Variants in FBXL19 observed in about 807,000 individuals in gnomAD.
FBXL19 encodes the protein F-box/LRR-repeat protein 19.
In FBXL19, 16 loss-of-function variants were observed where a neutral mutation model predicts 71.2. The ratio of observed to expected loss-of-function variants is 0.22; its 90% CI spans 0.15 to 0.34. FBXL19 has a LOEUF of 0.34. Ranked by LOEUF, FBXL19 falls within the 10% of genes least tolerant of loss-of-function variation. The pLI is 1.00. For synonymous variants in FBXL19, 447 were observed against 409.4 expected (o/e 1.09, Z -1.11); for missense variants, 658 against 968.2 (o/e 0.68, Z 4.25).
rs958686076 is a variant in FBXL19, at chr16:30,930,061, G to A, written c.790-12G>A. 7.5e-6 allele frequency: 12 copies of A among 1,607,294 alleles called. No individual in the cohort carries two copies. The highest frequency in any genetic ancestry group is 9.4e-6 in the Non-Finnish European group (11 of 1,175,624). The stretch of plus-strand genomic sequence containing the variant: ...CAGGCCCTAGAACAGCATCAACCCT[G>A]TCTCCCTGCAGAAACCAAAGCCGCC... On this transcript the variant is annotated splice_polypyrimidine_tract_variant and intron_variant, in intron 6 of 10. Coordinates refer to ENST00000338343, the MANE Select transcript of FBXL19 (RefSeq NM_001382779.1). This position sits in a 1 kb window ranked among gnomAD's most constrained non-coding sequence, Gnocchi z 8.5.
intron 7 of FBXL19, among the ~76,000 whole-genome samples, chr16:30,939,102 C>A (rs904780052): frequency 6.6e-6 from 1 of 150,544 alleles, no homozygotes; most frequent in Non-Finnish European, 1.5e-5. Context: ...GACAGAGTCT[C>A]GCTCTGTCAC....
At chr16:30,945,850 A>G (rs1250668495) in intron 9 of FBXL19, among the ~76,000 whole-genome samples, 52 of 52,340 alleles carry the variant, frequency 9.9e-4, no homozygotes, top group South Asian at 3.7e-3. Context: ...CGTCTCGGGG[A>G]AAAAAAAAAA....
At position 30,927,889 on chromosome 16, in the gene FBXL19, C is replaced by T; in HGVS notation, c.553C>T (p.Pro185Ser). Residue 185 changes from proline (P) to serine (S), a missense_variant, in exon 5 of 11, where the codon CCG becomes TCG. By Grantham distance (74) the Pro-to-Ser change is moderately conservative. Transcript: ENST00000338343. ...RKGPLPAGPP[P>S]EDVPGPPKRK... ...GGGCCCCCTGCCTGCCGGGCCCCCCCCGGAGGACGTGCCTGGGCCCCCCAA... is the reference window on the plus strand; with the variant it reads ...GGGCCCCCTGCCTGCCGGGCCCCCCTCGGAGGACGTGCCTGGGCCCCCCAA... 1.3e-6 allele frequency: 2 copies of T among 1,534,286 alleles called. No homozygotes were observed. The highest frequency in any genetic ancestry group is 1.7e-6 in the Non-Finnish European group (2 of 1,143,582).
In FBXL19 at chr16:30,937,422, T is replaced by C. The variant is rs1373976888; in HGVS notation, c.1302-4694T>C. Among the ~76,000 whole-genome samples the C allele has an allele frequency of 2.0e-5, 3 of 152,056 alleles. No individual in the cohort carries two copies. The East Asian group carries it at 5.8e-4, about 29-fold the overall frequency. On this transcript the variant is annotated intron_variant, in intron 7 of 10. Transcript: ENST00000338343. ...TTGAGGTGACTCTTACCATGCCCCT[T>C]GTCACCTCAGTTACTGCGGACTGTC...
At position 30,947,717 on chromosome 16, in the gene FBXL19, A is replaced by G; in HGVS notation, c.*487A>G. On this transcript the variant is annotated 3_prime_UTR_variant, in exon 11 of 11. Transcript: ENST00000338343. ...CCACAAAAGGAAAACCGGAGGAGCA[A>G]TTGGGGATCCAGGTGTCAGAGGTAG... 1 of 351,820 alleles carries G rather than the reference A, an allele frequency of 2.8e-6. No homozygotes were observed. The highest frequency in any genetic ancestry group is 2.0e-5 in the South Asian group (1 of 48,852). The allele number at this position is 351,820 out of a possible 1,614,324, so 21.8% of individuals were successfully genotyped here. A position where few individuals can be genotyped will look rare whatever the true frequency, so the allele number is the denominator to read the frequency against.
upstream of FBXL19, chr16:30,922,988 T>G (rs185275374): frequency 3.5e-4 from 159 of 453,680 alleles, 1 homozygote; most frequent in African/African-American, 3.0e-3. Flanking sequence ...TGGAAGGCTA[T>G]AAAACTACTA....
At chr16:30,927,548 C>T (rs1197754785) in intron 3 of FBXL19, 25 bp from the exon 4 acceptor site, 3 of 1,554,740 alleles carry the variant, frequency 1.9e-6, no homozygotes, top group South Asian at 2.4e-5. Flanking sequence ...GGCCAACCCC[C>T]CACTCACTGC....
intron 6 of FBXL19, among the ~76,000 whole-genome samples, chr16:30,929,190 T>C (rs1201911567): frequency 6.6e-6 from 1 of 152,212 alleles, no homozygotes; most frequent in Admixed American, 6.5e-5. Flanking sequence ...GTCCGCCTGA[T>C]TGGGTCCAAA....
chr16:30,929,593 C>T (rs967983906), intron 6 of FBXL19, among the ~76,000 whole-genome samples: 8 of 152,228 alleles, frequency 5.3e-5, no homozygotes, highest in Non-Finnish European at 8.8e-5. Context: ...GAGTCTCGCT[C>T]TGTCGCCCGT....
In FBXL19 at chr16:30,942,610, G is replaced by T; in HGVS notation, c.1627+74G>T. ...GTAGGAGGCCTCTCAGGTCTCTTCT[G>T]ACTCATGCTGGATGGTAAAGTATTT... On this transcript the variant is annotated intron_variant, in intron 9 of 10. Transcript: ENST00000338343. This position sits in a 1 kb window ranked among gnomAD's most constrained non-coding sequence, Gnocchi z 5.7. The T allele has an allele frequency of 6.9e-7, 1 of 1,457,136 alleles. No homozygotes were observed. Among genetic ancestry groups the T allele is most frequent in the South Asian group, 1.4e-5 (1 of 71,336 alleles). The allele number at this position is 1,457,136 out of a possible 1,614,324, so 90.3% of individuals were successfully genotyped here. A position where few individuals can be genotyped will look rare whatever the true frequency, so the allele number is the denominator to read the frequency against.
At chr16:30,928,405 C>G in intron 5 of FBXL19, 62 bp from the exon 6 acceptor site, 2 of 1,448,040 alleles carry the variant, frequency 1.4e-6, no homozygotes, top group African/African-American at 2.9e-5. Flanking sequence ...CCTTAGATTT[C>G]TGGCCCATGA....
intron 1 of FBXL19, 70 bp downstream of exon 1, chr16:30,924,529 C>T (rs1396158365): frequency 9.3e-6 from 10 of 1,078,946 alleles, no homozygotes; most frequent in Non-Finnish European, 1.2e-5. Context: ...CTCAGCCCGG[C>T]CTCTCTCTAC....
At position 30,946,777 on chromosome 16, in the gene FBXL19, C is replaced by T; in HGVS notation, c.1675C>T (p.Leu559=). 3 of 1,613,520 alleles carry T rather than the reference C, an allele frequency of 1.9e-6. No individual in the cohort carries two copies. Among genetic ancestry groups the T allele is most frequent in the Non-Finnish European group, 2.5e-6 (3 of 1,179,778 alleles). ...GCTGCAGGGGGTGGCAGAACTGCGT[C>T]TGGCAGGTTTGGAGCTGACAGATGC... ...GRLQGVAELR[L]AGLELTDASL... Residue 559 remains leucine (L), a synonymous_variant, in exon 10 of 11, where the codon CTG becomes TTG. Transcript: ENST00000338343. The surrounding 1 kb of genome is among the most constrained non-coding windows in gnomAD (Gnocchi z 6.7).
chr16:30,941,283 C>T (rs1230712211), intron 7 of FBXL19, among the ~76,000 whole-genome samples: 1 of 152,018 alleles, frequency 6.6e-6, no homozygotes, highest in Non-Finnish European at 1.5e-5. Flanking sequence ...CAAGACCAGC[C>T]TAGGCAACAT....
chr16:30,946,845 C>A lies in FBXL19; in HGVS notation c.1743C>A (p.Ala581=), dbSNP rs756244413. 5 of 1,612,284 alleles carry A rather than the reference C, an allele frequency of 3.1e-6. No individual in the cohort carries two copies. In the Admixed American group the frequency reaches 8.3e-5, roughly 27 times the overall value. Residue 581 remains alanine, a synonymous_variant, in exon 10 of 11, where the codon GCC becomes GCA. Coordinates refer to ENST00000338343, the MANE Select transcript of FBXL19 (RefSeq NM_001382779.1). This position sits in a 1 kb window ranked among gnomAD's most constrained non-coding sequence, Gnocchi z 6.7. ...TGCGTCACGCACCCCAGCTGAGCGC[C>A]CTGGACCTGAGCCACTGCGCCCACG... is the stretch of plus-strand genomic sequence containing the variant. The part of the protein sequence containing the change: ...LLLRHAPQLS[A]LDLSHCAHVG...
At chr16:30,932,531 C>A (rs1020791481) in intron 7 of FBXL19, among the ~76,000 whole-genome samples, 1 of 152,206 alleles carries the variant, frequency 6.6e-6, no homozygotes. Flanking sequence ...CTGGACTCTG[C>A]ATCCTTGAGT....
At chr16:30,932,567 G>A (rs2055687069) in intron 7 of FBXL19, among the ~76,000 whole-genome samples, 1 of 152,224 alleles carries the variant, frequency 6.6e-6, no homozygotes, top group African/African-American at 2.4e-5. Flanking sequence ...GCCATGTGTG[G>A]AGAGCGATAC....
In FBXL19 at chr16:30,947,323, A is replaced by G; in HGVS notation, c.*93A>G. 9.2e-7 allele frequency: 1 copy of G among 1,086,570 alleles called. No individual in the cohort carries two copies. Among genetic ancestry groups the G allele is most frequent in the South Asian group, 1.7e-5 (1 of 60,224 alleles). 67.3% of individuals were successfully genotyped at this position (1,086,570 alleles called of 1,614,324 possible). A position where few individuals can be genotyped will look rare whatever the true frequency, so the allele number is the denominator to read the frequency against. On this transcript the variant is annotated 3_prime_UTR_variant, in exon 11 of 11. Coordinates refer to ENST00000338343, the MANE Select transcript of FBXL19 (RefSeq NM_001382779.1). Reference sequence around the variant, plus strand: ...TGGGAGGCCAGGTTCCCACCTCACCACCCTGGGATTCCTGAGTGTCAGTGA... The same window carrying G: ...TGGGAGGCCAGGTTCCCACCTCACCGCCCTGGGATTCCTGAGTGTCAGTGA...
upstream of FBXL19, chr16:30,923,380 T>C (rs778205467): frequency 2.1e-5 from 8 of 375,570 alleles, no homozygotes; most frequent in African/African-American, 4.2e-5. Flanking sequence ...CCCAGCGTCC[T>C]ATTGTTCCCC....
Sources: allele counts gnomAD v4.1 joint callset (sites outside exome capture counted in the v4.1 genomes callset), GRCh38; gene constraint gnomAD v4.1.1; non-coding constraint Gnocchi (gnomAD v3.1); transcripts MANE v1.5; gene names NCBI Gene and HGNC (gene_info 2026-07-23, HGNC 2026-07-21).